Variants in ZCCHC7 observed in about 807,000 individuals in gnomAD.
ZCCHC7 encodes zinc finger CCHC-type containing 7, also known as zinc finger CCHC domain-containing protein 7.
In ZCCHC7, 35 loss-of-function variants were observed where a neutral mutation model predicts 52.0. The ratio of observed to expected loss-of-function variants is 0.67; its 90% CI spans 0.51 to 0.89. The LOEUF (loss-of-function observed/expected upper bound fraction) is 0.89. Ranked by LOEUF, ZCCHC7 falls within the 40% of genes least tolerant of loss-of-function variation. The pLI, the probability that ZCCHC7 is intolerant of heterozygous loss-of-function variation, is 0.00. For synonymous variants in ZCCHC7, 217 were observed against 221.5 expected (o/e 0.98, Z 0.18); for missense variants, 574 against 649.1 (o/e 0.88, Z 1.26).
Position 37,305,729 on chromosome 9 carries a change from T to C in ZCCHC7, c.951+15T>C. On this transcript the variant is annotated intron_variant, in intron 5 of 8. Coordinates refer to ENST00000336755, the MANE Select transcript of ZCCHC7 (RefSeq NM_032226.3). ...ACTATACAGATGTGAGTATCCTGCA[T>C]ATAACTAATTTGTCAGGCTTTGGAG... 6.2e-7 allele frequency: 1 copy of C among 1,610,148 alleles called. No individual in the cohort carries two copies. Among genetic ancestry groups the C allele is most frequent in the Non-Finnish European group, 8.5e-7 (1 of 1,176,848 alleles).
At chr9:37,236,517 G>T (rs866760892) in intron 2 of ZCCHC7, among the ~76,000 whole-genome samples, 2 of 151,592 alleles carry the variant, frequency 1.3e-5, no homozygotes, top group African/African-American at 4.9e-5. Flanking sequence ...TCAGCCTCCC[G>T]AGTAGCTGGG....
chr9:37,184,216 T>C (rs952572812), intron 2 of ZCCHC7, among the ~76,000 whole-genome samples: 4 of 152,218 alleles, frequency 2.6e-5, no homozygotes, highest in Non-Finnish European at 5.9e-5. Context: ...TACTTTGTTA[T>C]GGAGCAACGT....
At chr9:37,278,911 C>T (rs1005350920) in intron 2 of ZCCHC7, among the ~76,000 whole-genome samples, 1 of 152,254 alleles carries the variant, frequency 6.6e-6, no homozygotes, top group African/African-American at 2.4e-5. Context: ...GGACCAGATG[C>T]GGTAGCTCAC....
At chr9:37,142,375 G>A (rs1428232581) in intron 2 of ZCCHC7, among the ~76,000 whole-genome samples, 1 of 151,640 alleles carries the variant, frequency 6.6e-6, no homozygotes, top group African/African-American at 2.4e-5. Context: ...TGGGGTAAGG[G>A]CAAGCCTTCT....
intron 2 of ZCCHC7, among the ~76,000 whole-genome samples, chr9:37,270,055 A>T (rs993490778): frequency 6.6e-5 from 10 of 152,252 alleles, no homozygotes; most frequent in Non-Finnish European, 4.4e-5. Context: ...GATGTGTTAT[A>T]GTCTAAAGAC....
rs1352253599 is a variant in ZCCHC7, at chr9:37,133,010, A to AATTAG, written c.610+6068_610+6069insATTAG. On this transcript the variant is annotated intron_variant, in intron 2 of 8. Transcript: ENST00000336755. ...AAATTAGCCCAGTGTGGTGGTGTGC[A>AATTAG]CCTGTAATCCCAGCCTCAGAGGCTG... 2.6e-5 allele frequency among the ~76,000 whole-genome samples: 4 copies of AATTAG among 152,084 alleles called. No homozygotes were observed. The East Asian group carries it at 7.7e-4, about 29-fold the overall frequency.
intron 5 of ZCCHC7, among the ~76,000 whole-genome samples, chr9:37,313,887 A>C (rs1829701639): frequency 6.6e-6 from 1 of 152,220 alleles, no homozygotes; most frequent in Non-Finnish European, 1.5e-5. Flanking sequence ...CCCCAGTGTC[A>C]GGTAATTCTT....
chr9:37,190,883 G>T (rs551916292), intron 2 of ZCCHC7, among the ~76,000 whole-genome samples: 2 of 152,074 alleles, frequency 1.3e-5, no homozygotes, highest in Non-Finnish European at 1.5e-5. Flanking sequence ...TTAGCTGGGC[G>T]TGGTGGTGCT....
At chr9:37,162,704 C>G (rs1458331768) in intron 2 of ZCCHC7, among the ~76,000 whole-genome samples, 4 of 152,156 alleles carry the variant, frequency 2.6e-5, no homozygotes, top group African/African-American at 9.7e-5. Context: ...TGGATAGATG[C>G]TTTCTTCTTG....
chr9:37,216,232 G>T (rs1315403238), intron 2 of ZCCHC7, among the ~76,000 whole-genome samples: 1 of 152,046 alleles, frequency 6.6e-6, no homozygotes, highest in East Asian at 1.9e-4. Context: ...CCTGTATATG[G>T]TTCATATTTC....
intron 2 of ZCCHC7, among the ~76,000 whole-genome samples, chr9:37,262,448 A>G (rs979763624): frequency 5.3e-5 from 8 of 152,184 alleles, no homozygotes; most frequent in African/African-American, 1.9e-4. Context: ...AATAACTTAT[A>G]CTATTATACT....
intron 2 of ZCCHC7, among the ~76,000 whole-genome samples, chr9:37,166,634 T>C (rs1821438092): frequency 6.6e-6 from 1 of 152,162 alleles, no homozygotes; most frequent in Non-Finnish European, 1.5e-5. Flanking sequence ...TATTTTTCTG[T>C]TTTCTTAAGG....
intron 2 of ZCCHC7, 144 bp from the exon 3 acceptor site, chr9:37,302,044 G>T: frequency 1.5e-6 from 1 of 665,184 alleles, no homozygotes. Context: ...TAATAACAGA[G>T]CCAAAATAGG....
At chr9:37,330,743 A>C (rs754314156) in intron 6 of ZCCHC7, among the ~76,000 whole-genome samples, 1 of 151,480 alleles carries the variant, frequency 6.6e-6, no homozygotes, top group Non-Finnish European at 1.5e-5. Context: ...TTCATCTTTC[A>C]AATAACTCAT....
At chr9:37,263,984 T>C (rs1159641717) in intron 2 of ZCCHC7, among the ~76,000 whole-genome samples, 2 of 152,234 alleles carry the variant, frequency 1.3e-5, no homozygotes, top group African/African-American at 2.4e-5. Context: ...TTTCCTGAAC[T>C]TGGTGATCAT....
intron 2 of ZCCHC7, among the ~76,000 whole-genome samples, chr9:37,156,417 A>G (rs537627119): frequency 2.6e-5 from 4 of 152,344 alleles, no homozygotes; most frequent in African/African-American, 9.6e-5. Flanking sequence ...GGGAGAGATC[A>G]TATTTTATCT....
Position 37,150,842 on chromosome 9 carries a change from G to A in ZCCHC7, c.610+23900G>A, listed in dbSNP as rs771180225. Reference sequence around the variant, plus strand: ...AATGTAAAATATTACAAAATATGCTGTGCTTGAGAAGATATTTTTCCAGGT... The same window carrying A: ...AATGTAAAATATTACAAAATATGCTATGCTTGAGAAGATATTTTTCCAGGT... On this transcript the variant is annotated intron_variant, in intron 2 of 8. Transcript: ENST00000336755. Among the ~76,000 whole-genome samples the A allele has an allele frequency of 8.9e-4, 135 of 152,084 alleles. 1 individual carries two copies. The highest frequency in any genetic ancestry group is 1.5e-3 in the Non-Finnish European group (100 of 68,032).
chr9:37,131,623 C>T (rs1028824924), intron 2 of ZCCHC7, among the ~76,000 whole-genome samples: 9 of 151,976 alleles, frequency 5.9e-5, no homozygotes, highest in African/African-American at 2.2e-4. Context: ...CAAGCCTAGG[C>T]GACAGAGTGA....
chr9:37,256,700 T>C (rs892258688), intron 2 of ZCCHC7, among the ~76,000 whole-genome samples: 12 of 152,168 alleles, frequency 7.9e-5, no homozygotes, highest in African/African-American at 2.2e-4. Context: ...ACATGACCCA[T>C]TCATTATGTT....
Sources: gnomAD v4.1 joint callset for allele counts (sites outside exome capture counted in the v4.1 genomes callset) on GRCh38, gnomAD v4.1.1 for gene constraint, MANE v1.5 for transcripts, NCBI Gene and HGNC (gene_info 2026-07-23, HGNC 2026-07-21) for gene names.